Variants in NREP observed in about 807,000 individuals in gnomAD.
NREP encodes the protein neuronal regeneration related protein.
Under a neutral mutation model 8.6 loss-of-function variants are expected in NREP, and 5 were observed. That is an observed-to-expected ratio of 0.58 (90% CI 0.30 to 1.22). The LOEUF is 1.22. NREP is among the 50% of genes most tolerant of loss of function. The pLI is 0.07. For synonymous variants in NREP, 27 were observed against 28.0 expected (o/e 0.96, Z 0.11); for missense variants, 86 against 82.5 (o/e 1.04, Z -0.17).
intron 2 of NREP, among the ~76,000 whole-genome samples, chr5:111,788,205 T>C (rs1581118265): frequency 6.6e-6 from 1 of 152,378 alleles, no homozygotes; most frequent in Non-Finnish European, 1.5e-5. Context: ...TCATGGTGTA[T>C]TCACTTTACT....
intron 2 of NREP, among the ~76,000 whole-genome samples, chr5:111,763,833 A>G (rs1482495123): frequency 6.6e-6 from 1 of 152,256 alleles, no homozygotes; most frequent in Non-Finnish European, 1.5e-5. Flanking sequence ...TTAACAAAGT[A>G]GAATGTTTGT....
At chr5:111,741,032 A>C (rs1749605268) in intron 2 of NREP, among the ~76,000 whole-genome samples, 1 of 152,206 alleles carries the variant, frequency 6.6e-6, no homozygotes. Flanking sequence ...GAAATCTGCC[A>C]TGAAGATATG....
At position 111,939,562 on chromosome 5, in the gene NREP, C is replaced by CA. The variant is rs1245537958; in HGVS notation, c.135+35711dup. Among the ~76,000 whole-genome samples the CA allele has an allele frequency of 4.0e-5, 6 of 150,848 alleles. No homozygotes were observed. In the South Asian group the frequency reaches 6.3e-4, roughly 16 times the overall value. On this transcript the variant is annotated intron_variant, in intron 2 of 3. Coordinates refer to the NREP transcript ENST00000395634. ...ATTAGTGGTCATTAGCACAGTGTGG[C>CA]AAAAAAAAATTCGAGTTGCCGCACG...
intron 2 of NREP, among the ~76,000 whole-genome samples, chr5:111,819,450 A>T (rs1257690288): frequency 6.6e-6 from 1 of 152,204 alleles, no homozygotes. Context: ...CTCCATCTGC[A>T]AGTCGTACCC....
rs543146728 is a variant in NREP, at chr5:111,916,249, C to T, written c.135+59025G>A. Among the ~76,000 whole-genome samples the T allele has an allele frequency of 3.3e-5, 5 of 151,650 alleles. No individual in the cohort carries two copies. In the South Asian group the frequency reaches 6.3e-4, roughly 19 times the overall value. ...GAGAGAGTCATTTTCCCAGGACTAC[C>T]GAGAGAGAGAGAACAAGGTAGAGAG... is the stretch of plus-strand genomic sequence containing the variant. On this transcript the variant is annotated intron_variant, in intron 2 of 3. Coordinates refer to the NREP transcript ENST00000395634.
chr5:111,752,808 G>A (rs1347671547), intron 2 of NREP, among the ~76,000 whole-genome samples: 1 of 152,154 alleles, frequency 6.6e-6, no homozygotes, highest in Non-Finnish European at 1.5e-5. Context: ...TCACTGTGTA[G>A]AAGGCAATCA....
At chr5:111,974,572 T>A (rs536214202) in intron 2 of NREP, 1 of 152,300 alleles carries the variant, frequency 6.6e-6, no homozygotes, top group East Asian at 1.9e-4. Context: ...AACAACCTTG[T>A]ATGACATTAA....
intron 2 of NREP, chr5:111,912,774 C>G (rs1264947331): frequency 6.6e-6 from 1 of 152,076 alleles, no homozygotes; most frequent in Non-Finnish European, 1.5e-5. Context: ...ATTACCCAGT[C>G]CAGCCTTCTG....
rs1319370350 is a variant in NREP at position 111,735,624 on chromosome 5, C to G, written c.4-117G>C. ...AATGGTTACTTATTCCCGACTACCA[C>G]TTAGAGCACTGGGGAAACCATTAAC... On this transcript the variant is annotated intron_variant, in intron 2 of 3. Transcript: ENST00000257435. The G allele has an allele frequency of 4.5e-6, 3 of 673,876 alleles. No homozygotes were observed. In the Middle Eastern group the frequency reaches 7.6e-4, roughly 170 times the overall value. The allele number at this position is 673,876 out of a possible 1,614,324, so 41.7% of individuals were successfully genotyped here. A position where few individuals can be genotyped will look rare whatever the true frequency, so the allele number is the denominator to read the frequency against.
intron 2 of NREP, among the ~76,000 whole-genome samples, chr5:111,743,441 ATCTGAGT>A (rs1749808455): frequency 6.6e-6 from 1 of 152,172 alleles, no homozygotes; most frequent in South Asian, 2.1e-4. Flanking sequence ...TACTTAACAC[ATCTGAGT>A]TCTAAGTCTG....
chr5:111,777,239 A>G (rs953945371), intron 2 of NREP, among the ~76,000 whole-genome samples: 3 of 152,168 alleles, frequency 2.0e-5, no homozygotes, highest in African/African-American at 7.2e-5. Flanking sequence ...GCCTAGAAGA[A>G]AAGCCAATTT....
intron 2 of NREP, among the ~76,000 whole-genome samples, chr5:111,844,081 C>A (rs1441479848): frequency 6.6e-6 from 1 of 151,970 alleles, no homozygotes; most frequent in East Asian, 1.9e-4. Context: ...GAAAATAAAT[C>A]TGATGCAGCA....
chr5:111,922,572 C>A (rs1387995613), intron 2 of NREP, among the ~76,000 whole-genome samples: 1 of 152,110 alleles, frequency 6.6e-6, no homozygotes, highest in Non-Finnish European at 1.5e-5. Flanking sequence ...GAGAAGAAGC[C>A]ATCTGTTGAG....
intron 2 of NREP, among the ~76,000 whole-genome samples, chr5:111,875,093 G>T (rs1040024346): frequency 6.6e-6 from 1 of 152,130 alleles, no homozygotes; most frequent in African/African-American, 2.4e-5. Flanking sequence ...GATCAAAAAT[G>T]GGGATAAGCA....
chr5:111,821,760 T>C (rs1407561068), intron 2 of NREP, among the ~76,000 whole-genome samples: 1 of 152,172 alleles, frequency 6.6e-6, no homozygotes, highest in Non-Finnish European at 1.5e-5. Flanking sequence ...AGCATCATTG[T>C]CCTTGCTTTG....
chr5:111,967,905 T>G (rs1756690734), intron 2 of NREP, among the ~76,000 whole-genome samples: 1 of 152,228 alleles, frequency 6.6e-6, no homozygotes, highest in South Asian at 2.1e-4. Context: ...TAAAAAAGTT[T>G]TTAAATTGCT....
intron 1 of NREP, chr5:111,756,300 A>G: frequency 1.1e-6 from 1 of 903,084 alleles, no homozygotes; most frequent in East Asian, 1.2e-4. Context: ...CGTGTTTAAA[A>G]AAAAAAAAAA....
At chr5:111,778,983 AC>A (rs1751427433) in intron 2 of NREP, among the ~76,000 whole-genome samples, 1 of 152,108 alleles carries the variant, frequency 6.6e-6, no homozygotes, top group South Asian at 2.1e-4. Flanking sequence ...TCTTGTAGCA[AC>A]CTTTACGTTG....
At chr5:111,812,758 A>T (rs1752298678) in intron 2 of NREP, among the ~76,000 whole-genome samples, 1 of 152,168 alleles carries the variant, frequency 6.6e-6, no homozygotes, top group African/African-American at 2.4e-5. Flanking sequence ...TAGTAATTAC[A>T]GTCACTATAC....
Sources: allele counts gnomAD v4.1 joint callset (sites outside exome capture counted in the v4.1 genomes callset), GRCh38; gene constraint gnomAD v4.1.1; transcripts MANE v1.5; gene names NCBI Gene and HGNC (gene_info 2026-07-23, HGNC 2026-07-21).